WWOX: variants seen among roughly 807,000 people sequenced by gnomAD.
WWOX encodes WW domain-containing oxidoreductase.
Under a neutral mutation model 46.2 loss-of-function variants are expected in WWOX, and 69 were observed. The ratio of observed to expected loss-of-function variants is 1.49; its 90% CI spans 1.23 to 1.82. WWOX has a LOEUF of 1.82. WWOX is among the 40% of genes most tolerant of loss of function. The probability of loss-of-function intolerance (pLI) is 0.00; values close to 1 mark genes in which losing one functional copy is unlikely to be tolerated. For synonymous variants in WWOX, 359 were observed against 202.6 expected, an observed-to-expected ratio of 1.77 and a Z score of -6.56; for missense variants, 919 against 542.6, an observed-to-expected ratio of 1.69 and a Z score of -6.89.
chr16:78,241,043 CT>C (rs2037627615), intron 5 of WWOX, among the ~76,000 whole-genome samples: 1 of 152,156 alleles, frequency 6.6e-6, no homozygotes, highest in South Asian at 2.1e-4. Flanking sequence ...CCCCTGCTTA[CT>C]GATGCAGCCT....
Position 78,146,136 on chromosome 16 carries a change from A to T in WWOX, c.410-18047A>T, listed in dbSNP as rs377398909. Among the ~76,000 whole-genome samples the T allele has an allele frequency of 7.2e-5, 11 of 152,254 alleles. 1 individual carries two copies. Among genetic ancestry groups the T allele is most frequent in the African/African-American group, 2.4e-4 (10 of 41,560 alleles). On this transcript the variant is annotated intron_variant, in intron 4 of 8. Transcript: ENST00000566780. ...AACAATTCTAGTTGCGCATGCTTCC[A>T]TAAGCTGTTTACTCTAGGAAGGAGA...
chr16:79,147,974 G>C (rs1457045758), intron 8 of WWOX, among the ~76,000 whole-genome samples: 1 of 151,736 alleles, frequency 6.6e-6, no homozygotes, highest in African/African-American at 2.4e-5. Flanking sequence ...CTAGTTATTG[G>C]TTCTTTGTTG....
intron 8 of WWOX, among the ~76,000 whole-genome samples, chr16:78,946,559 G>A (rs572533556): frequency 1.8e-4 from 28 of 152,152 alleles, no homozygotes; most frequent in East Asian, 3.9e-4. Flanking sequence ...CAGTCTTTCC[G>A]CTTATTTACA....
At chr16:78,687,476 C>T (rs746723449) in intron 8 of WWOX, among the ~76,000 whole-genome samples, 2 of 152,150 alleles carry the variant, frequency 1.3e-5, no homozygotes, top group South Asian at 2.1e-4. Context: ...GAGACAGACA[C>T]CATTTTATGA....
intron 8 of WWOX, among the ~76,000 whole-genome samples, chr16:78,884,125 A>G (rs909816006): frequency 2.6e-5 from 4 of 151,950 alleles, no homozygotes; most frequent in Non-Finnish European, 4.4e-5. Flanking sequence ...CAAAAATATT[A>G]GTCAGGCATA....
chr16:78,118,880 T>C (rs556193852), intron 4 of WWOX: 1 of 152,176 alleles, frequency 6.6e-6, no homozygotes, highest in African/African-American at 2.4e-5. Flanking sequence ...GCCTTTTTTT[T>C]AGGCAGCTGC....
chr16:78,729,125 T>C (rs1321389336), intron 8 of WWOX, among the ~76,000 whole-genome samples: 1 of 151,998 alleles, frequency 6.6e-6, no homozygotes, highest in Non-Finnish European at 1.5e-5. Context: ...GGCGGATCAC[T>C]TGAGCTCAGG....
chr16:78,895,983 C>G (rs923713400), intron 8 of WWOX: 3 of 152,104 alleles, frequency 2.0e-5, no homozygotes, highest in African/African-American at 7.2e-5. Context: ...ATACTCAATT[C>G]CACTGTCTTT....
At chr16:78,424,206 C>T (rs1597214711) in intron 6 of WWOX, among the ~76,000 whole-genome samples, 3 of 150,056 alleles carry the variant, frequency 2.0e-5, no homozygotes, top group Admixed American at 2.0e-4. Flanking sequence ...CAACCTCTGC[C>T]TCCTGGGTTC....
chr16:79,074,998 A>G (rs766744937), intron 8 of WWOX, among the ~76,000 whole-genome samples: 1 of 152,212 alleles, frequency 6.6e-6, no homozygotes, highest in Non-Finnish European at 1.5e-5. Flanking sequence ...ACATTCGACT[A>G]TTCCCTACTC....
At chr16:78,777,686 C>T (rs752032028) in intron 8 of WWOX, among the ~76,000 whole-genome samples, 3 of 152,128 alleles carry the variant, frequency 2.0e-5, no homozygotes, top group African/African-American at 4.8e-5. Flanking sequence ...AAGCCTTTAC[C>T]TAAAAAGGTA....
intron 5 of WWOX, among the ~76,000 whole-genome samples, chr16:78,232,951 C>T (rs990208113): frequency 3.9e-5 from 6 of 151,964 alleles, no homozygotes; most frequent in Non-Finnish European, 7.4e-5. Flanking sequence ...AAGCAATTCT[C>T]CTGCCTCAGC....
intron 5 of WWOX, among the ~76,000 whole-genome samples, chr16:78,358,618 A>C (rs2072358046): frequency 6.6e-6 from 1 of 152,164 alleles, no homozygotes; most frequent in Non-Finnish European, 1.5e-5. Context: ...AGATAGTTCT[A>C]CTGCACTCCA....
At chr16:78,670,497 C>G (rs554478679) in intron 8 of WWOX, among the ~76,000 whole-genome samples, 73 of 151,928 alleles carry the variant, frequency 4.8e-4, no homozygotes, top group African/African-American at 1.7e-3. Flanking sequence ...ATCATGTCAC[C>G]CTCTGAATGT....
chr16:79,164,162 A>C (rs906131037), intron 8 of WWOX, among the ~76,000 whole-genome samples: 1 of 152,222 alleles, frequency 6.6e-6, no homozygotes, highest in African/African-American at 2.4e-5. Flanking sequence ...TATTTTATAG[A>C]AAAATATAAA....
chr16:78,132,463 A>G (rs2151698132), intron 4 of WWOX, among the ~76,000 whole-genome samples: 1 of 152,270 alleles, frequency 6.6e-6, no homozygotes, highest in Non-Finnish European at 1.5e-5. Flanking sequence ...GTCAAGTTTA[A>G]TTGCTTCTTC....
At chr16:79,030,631 G>A (rs142082369) in intron 8 of WWOX, among the ~76,000 whole-genome samples, 85 of 152,244 alleles carry the variant, frequency 5.6e-4, no homozygotes, top group African/African-American at 1.9e-3. Flanking sequence ...CCTTGTTTTC[G>A]TTCAACCTTT....
chr16:78,684,953 A>C (rs2047820808), intron 8 of WWOX, among the ~76,000 whole-genome samples: 1 of 152,194 alleles, frequency 6.6e-6, no homozygotes, highest in Non-Finnish European at 1.5e-5. Flanking sequence ...CTCTGTCTGC[A>C]AAATTGCATC....
At chr16:79,049,197 A>C (rs2048120857) in intron 8 of WWOX, among the ~76,000 whole-genome samples, 1 of 152,258 alleles carries the variant, frequency 6.6e-6, no homozygotes, top group African/African-American at 2.4e-5. Context: ...ACTCAAAAGC[A>C]GCCATGGCTG....
Sources: gnomAD v4.1 joint callset for allele counts (sites outside exome capture counted in the v4.1 genomes callset) on GRCh38, gnomAD v4.1.1 for gene constraint, MANE v1.5 for transcripts, NCBI Gene and HGNC (gene_info 2026-07-23, HGNC 2026-07-21) for gene names.